The following GLRA2 variants were observed in gnomAD, a reference collection of about 807,000 sequenced individuals.
The protein encoded by GLRA2 is glycine receptor subunit alpha-2.
In GLRA2, 11 loss-of-function variants were observed where a neutral mutation model predicts 31.6. The ratio of observed to expected loss-of-function variants is 0.35; its 90% CI spans 0.22 to 0.58. GLRA2 has a LOEUF of 0.58. GLRA2 is among the 20% of genes least tolerant of loss of function. The pLI is 0.84. For synonymous variants in GLRA2, 132 were observed against 134.0 expected, an observed-to-expected ratio of 0.99 and a Z score of 0.10; for missense variants, 212 against 351.8, an observed-to-expected ratio of 0.60 and a Z score of 3.18.
At chrX:14,653,834 G>T (rs775886022) in intron 7 of GLRA2, among the ~76,000 whole-genome samples, 1 of 112,396 alleles carries the variant, frequency 8.9e-6, no homozygotes, top group Non-Finnish European at 1.9e-5. Flanking sequence ...CTTATTTAAA[G>T]AAATTGCCAG....
At chrX:14,453,187 C>T in the GLRA2 span, among the ~76,000 whole-genome samples, 1 of 111,755 alleles carries the variant, frequency 8.9e-6, no homozygotes, top group African/African-American at 3.3e-5. Flanking sequence ...GATAAATGAG[C>T]ACTAGTGATC....
intron 2 of GLRA2, among the ~76,000 whole-genome samples, chrX:14,552,311 C>T (rs1418588907): frequency 8.9e-6 from 1 of 112,217 alleles, no homozygotes; most frequent in African/African-American, 3.2e-5. Flanking sequence ...TGGAAAATGA[C>T]GTGAAGACTT....
the GLRA2 span, among the ~76,000 whole-genome samples, chrX:14,461,280 A>G: frequency 0.019 from 2,098 of 111,380 alleles, 66 homozygotes; most frequent in African/African-American, 0.065. Context: ...TATGTGGTCA[A>G]TTTTAGAATA....
intron 4 of GLRA2, among the ~76,000 whole-genome samples, chrX:14,591,027 A>G (rs182135084): frequency 1.8e-5 from 2 of 111,555 alleles, no homozygotes; most frequent in Non-Finnish European, 3.8e-5. Flanking sequence ...TAGAAATATG[A>G]AGGTCCAGAA....
chrX:14,693,089 G>A (rs1177233220), intron 8 of GLRA2, among the ~76,000 whole-genome samples: 2 of 108,028 alleles, frequency 1.9e-5, no homozygotes, highest in African/African-American at 6.7e-5. Context: ...GACAGACAAA[G>A]AGAAAGCAAA....
the GLRA2 span, among the ~76,000 whole-genome samples, chrX:14,465,156 T>C: frequency 2.7e-5 from 3 of 112,036 alleles, no homozygotes; most frequent in African/African-American, 6.5e-5. Flanking sequence ...TTGTGTCCTC[T>C]TCAATTTCTT....
At chrX:14,654,108 G>A (rs1310524645) in intron 7 of GLRA2, among the ~76,000 whole-genome samples, 1 of 111,379 alleles carries the variant, frequency 9.0e-6, no homozygotes, top group African/African-American at 3.3e-5. Flanking sequence ...CTGAGTGACA[G>A]AATGAGACCC....
chrX:14,707,588 C>A (rs1314355052), intron 8 of GLRA2, among the ~76,000 whole-genome samples: 24 of 79,534 alleles, frequency 3.0e-4, no homozygotes, highest in Middle Eastern at 9.2e-3. Flanking sequence ...TCTAAAAAAA[C>A]CAAAAAACAA....
intron 7 of GLRA2, among the ~76,000 whole-genome samples, chrX:14,638,785 C>T (rs1057321942): frequency 9.0e-6 from 1 of 111,414 alleles, no homozygotes; most frequent in African/African-American, 3.3e-5. Context: ...TCTAAATCTC[C>T]TTGTATTATA....
At chrX:14,516,844 A>C in the GLRA2 span, among the ~76,000 whole-genome samples, 4 of 111,650 alleles carry the variant, frequency 3.6e-5, no homozygotes, top group African/African-American at 1.3e-4. Flanking sequence ...AGTATCCAAC[A>C]GCCAGTACCA....
intron 2 of GLRA2, among the ~76,000 whole-genome samples, chrX:14,555,985 T>C (rs965299645): frequency 3.6e-5 from 4 of 111,599 alleles, no homozygotes; most frequent in Non-Finnish European, 7.5e-5. Context: ...TAGACACATA[T>C]AAAAGTCGAC....
At chrX:14,594,799 T>TGCCC (rs2090182371) in intron 4 of GLRA2, among the ~76,000 whole-genome samples, 1 of 111,327 alleles carries the variant, frequency 9.0e-6, no homozygotes, top group Non-Finnish European at 1.9e-5. Context: ...TGCATATGGG[T>TGCCC]ATTTTTTATG....
intron 4 of GLRA2, among the ~76,000 whole-genome samples, chrX:14,591,356 G>A (rs1442645252): frequency 9.0e-6 from 1 of 111,685 alleles, no homozygotes; most frequent in Non-Finnish European, 1.9e-5. Context: ...TCAAAAGTAC[G>A]GAAGCCGACA....
intron 2 of GLRA2, among the ~76,000 whole-genome samples, chrX:14,573,059 C>T (rs1045415394): frequency 8.9e-6 from 1 of 111,918 alleles, no homozygotes; most frequent in African/African-American, 3.3e-5. Context: ...CAGAAGATTA[C>T]ACAGATATGA....
intron 7 of GLRA2, among the ~76,000 whole-genome samples, chrX:14,683,120 C>T (rs1443277585): frequency 8.9e-6 from 1 of 111,873 alleles, no homozygotes; most frequent in Non-Finnish European, 1.9e-5. Context: ...CTTGAGGAAT[C>T]GCCACACTGT....
rs866330920 is a variant in GLRA2, at chrX:14,685,772, T to A, written c.931-4938T>A. Among the ~76,000 whole-genome samples the A allele has an allele frequency of 7.2e-5, 8 of 111,656 alleles. No homozygotes were observed. In the Middle Eastern group the frequency reaches 0.014, roughly 193 times the overall value. Reference sequence around the variant, plus strand: ...TCATTTCAAAAAACCAGCTCCTGGATTCATTGATTTTTTGAAGGGTTTTTT... The same window carrying A: ...TCATTTCAAAAAACCAGCTCCTGGAATCATTGATTTTTTGAAGGGTTTTTT... On this transcript the variant is annotated intron_variant, in intron 7 of 8. Transcript: ENST00000218075.
Position 14,600,422 on chromosome X carries a change from C to G in GLRA2, c.495-3893C>G, listed in dbSNP as rs185836929. ...TATTATTATTTTTAATTTCTTTAAA[C>G]TTTTCAAAACTATAATGAAATTTCC... is the stretch of plus-strand genomic sequence containing the variant. On this transcript the variant is annotated intron_variant, in intron 4 of 8. Coordinates refer to ENST00000218075, the MANE Select transcript of GLRA2 (RefSeq NM_002063.4). Among the ~76,000 whole-genome samples, 109 of 111,092 alleles carry G rather than the reference C, an allele frequency of 9.8e-4. 1 individual carries two copies. Among genetic ancestry groups the G allele is most frequent in the African/African-American group, 3.3e-3 (101 of 30,750 alleles).
At chrX:14,638,027 A>G (rs1006194122) in intron 7 of GLRA2, among the ~76,000 whole-genome samples, 1 of 111,785 alleles carries the variant, frequency 8.9e-6, no homozygotes, top group Non-Finnish European at 1.9e-5. Flanking sequence ...TACTAGAGAC[A>G]GGGTAGGGTC....
intron 8 of GLRA2, among the ~76,000 whole-genome samples, chrX:14,715,154 T>G (rs2147242855): frequency 8.9e-6 from 1 of 112,436 alleles, no homozygotes; most frequent in African/African-American, 3.2e-5. Flanking sequence ...CTTTTAAGAT[T>G]CTTAACAGGG....
Sources: gnomAD v4.1 joint callset for allele counts (sites outside exome capture counted in the v4.1 genomes callset) on GRCh38, gnomAD v4.1.1 for gene constraint, MANE v1.5 for transcripts, NCBI Gene and HGNC (gene_info 2026-07-23, HGNC 2026-07-21) for gene names.